Variants in NHS observed in about 807,000 individuals in gnomAD.
NHS encodes actin remodeling regulator NHS.
A neutral mutation model predicts 72.5 loss-of-function variants in NHS; 5 were observed. The observed-to-expected ratio is 0.07, with a 90% CI of 0.04 to 0.14. The LOEUF (loss-of-function observed/expected upper bound fraction) is 0.14, where lower values mean the gene tolerates loss of function less well. Ranked by LOEUF, NHS falls within the 10% of genes least tolerant of loss-of-function variation. The pLI is 1.00. For missense variants in NHS, 1,072 were observed against 1,355.7 expected, an observed-to-expected ratio of 0.79 and a Z score of 3.29; for synonymous variants, 464 against 547.7, an observed-to-expected ratio of 0.85 and a Z score of 2.13.
At chrX:17,466,163 C>G (rs779272760) in intron 1 of NHS, among the ~76,000 whole-genome samples, 6 of 113,120 alleles carry the variant, frequency 5.3e-5, no homozygotes, top group Non-Finnish European at 9.4e-5. Flanking sequence ...TCATATTTAC[C>G]TCATTGACCA....
At chrX:17,504,082 C>T (rs1489870422) in intron 1 of NHS, among the ~76,000 whole-genome samples, 1 of 111,809 alleles carries the variant, frequency 8.9e-6, no homozygotes, top group African/African-American at 3.3e-5. Flanking sequence ...GAAACCAATT[C>T]AACTTTGATT....
intron 2 of NHS, 28 bp downstream of exon 2, chrX:17,687,922 T>G: frequency 8.3e-7 from 1 of 1,201,441 alleles, no homozygotes; most frequent in Non-Finnish European, 1.1e-6. Context: ...TGGGGGCTTT[T>G]GCGGGAGACA....
chrX:17,652,544 C>T (rs1185903936), intron 1 of NHS, among the ~76,000 whole-genome samples: 1 of 111,736 alleles, frequency 8.9e-6, no homozygotes, highest in Non-Finnish European at 1.9e-5. Flanking sequence ...AAAAAAAGAT[C>T]ACATAGAGAG....
At chrX:17,703,219 G>C (rs984115209) in intron 3 of NHS, among the ~76,000 whole-genome samples, 8 of 111,775 alleles carry the variant, frequency 7.2e-5, no homozygotes, top group African/African-American at 2.6e-4. Flanking sequence ...GATCACTTGA[G>C]CCCAGGAGGC....
chrX:17,625,266 T>C (rs2065792849), intron 1 of NHS, among the ~76,000 whole-genome samples: 1 of 111,525 alleles, frequency 9.0e-6, no homozygotes, highest in Admixed American at 9.6e-5. Flanking sequence ...CCATCTGGTA[T>C]GGTATCACAT....
At chrX:17,713,716 C>G (rs1569315576) in intron 3 of NHS, among the ~76,000 whole-genome samples, 1 of 111,542 alleles carries the variant, frequency 9.0e-6, no homozygotes, top group Non-Finnish European at 1.9e-5. Flanking sequence ...GATTGGGGAT[C>G]ATCTTGAAAC....
At chrX:17,661,175 A>G (rs1601822852) in intron 1 of NHS, among the ~76,000 whole-genome samples, 1 of 112,166 alleles carries the variant, frequency 8.9e-6, no homozygotes, top group East Asian at 2.8e-4. Flanking sequence ...AGGTATCAAT[A>G]CCTATCCTCA....
intron 1 of NHS, among the ~76,000 whole-genome samples, chrX:17,585,564 C>G (rs1418513406): frequency 1.8e-5 from 2 of 110,249 alleles, no homozygotes; most frequent in Non-Finnish European, 3.8e-5. Flanking sequence ...CATGGTTGCT[C>G]TCTTCAATAA....
chrX:17,700,866 CA>C (rs758889154), intron 3 of NHS, among the ~76,000 whole-genome samples: 1 of 111,080 alleles, frequency 9.0e-6, no homozygotes, highest in African/African-American at 3.3e-5. Context: ...AGGCAAAGCC[CA>C]AAAAAGTGCC....
intron 1 of NHS, among the ~76,000 whole-genome samples, chrX:17,663,651 T>C (rs1757246339): frequency 8.9e-6 from 1 of 112,516 alleles, no homozygotes; most frequent in Admixed American, 9.4e-5. Flanking sequence ...TTTGGGGATA[T>C]TATGAATAAA....
intron 1 of NHS, among the ~76,000 whole-genome samples, chrX:17,481,814 A>C (rs1249391660): frequency 8.9e-6 from 1 of 111,959 alleles, no homozygotes; most frequent in African/African-American, 3.3e-5. Flanking sequence ...AGAGGCAACT[A>C]TTCTGACTCG....
intron 3 of NHS, among the ~76,000 whole-genome samples, chrX:17,718,633 A>G (rs867906326): frequency 7.0e-5 from 7 of 100,006 alleles, no homozygotes; most frequent in Middle Eastern, 5.3e-3. Flanking sequence ...GAGGGAAGGA[A>G]AAAAGGAAGG....
intron 1 of NHS, among the ~76,000 whole-genome samples, chrX:17,608,633 T>C (rs889279489): frequency 9.9e-5 from 11 of 111,251 alleles, no homozygotes; most frequent in African/African-American, 3.6e-4. Flanking sequence ...AAGCCTGCTT[T>C]GTGTGGCTAT....
chrX:17,697,178 G>T (rs1266540352), intron 3 of NHS, among the ~76,000 whole-genome samples: 2 of 111,177 alleles, frequency 1.8e-5, no homozygotes, highest in East Asian at 5.6e-4. Flanking sequence ...TTCAGCAATT[G>T]GGAGTGAAGA....
intron 1 of NHS, among the ~76,000 whole-genome samples, chrX:17,439,136 T>C (rs1412741862): frequency 9.6e-6 from 1 of 104,544 alleles, no homozygotes; most frequent in African/African-American, 3.4e-5. Context: ...GTGGGGCATG[T>C]GCCCATAGGT....
In NHS at chrX:17,727,604, G is replaced by T; in HGVS notation, c.3498G>T (p.Glu1166Asp). ...ACAATACAGATCTCCCTTATTTAGA[G>T]GAAAGCACACTCACAACGGCTGCCT... Reference protein sequence around the residue: ...EENNTDLPYLEESTLTTAALS... With the variant: ...EENNTDLPYLDESTLTTAALS... Residue 1166 changes from glutamate (E) to aspartate (D), a missense_variant, in exon 7 of 9, where the codon GAG becomes GAT. Transcript: ENST00000676302. 1 of 1,211,373 alleles carries T rather than the reference G, an allele frequency of 8.3e-7. No homozygotes were observed. The highest frequency in any genetic ancestry group is 1.7e-5 in the African/African-American group (1 of 57,757).
chrX:17,660,818 A>G (rs2065978762), intron 1 of NHS, among the ~76,000 whole-genome samples: 1 of 112,406 alleles, frequency 8.9e-6, no homozygotes, highest in South Asian at 3.7e-4. Context: ...AGGTAAGGGA[A>G]TTGACCAAGG....
chrX:17,594,378 A>G (rs2065616067), intron 1 of NHS, among the ~76,000 whole-genome samples: 1 of 111,416 alleles, frequency 9.0e-6, no homozygotes, highest in African/African-American at 3.3e-5. Context: ...CTTTGCTTGG[A>G]TATCTATGAG....
intron 1 of NHS, among the ~76,000 whole-genome samples, chrX:17,543,422 A>T (rs1011918313): frequency 1.8e-5 from 2 of 112,178 alleles, no homozygotes; most frequent in African/African-American, 6.5e-5. Flanking sequence ...CATAACTAGG[A>T]AATGCTTAGA....
Sources: allele counts gnomAD v4.1 joint callset (sites outside exome capture counted in the v4.1 genomes callset), GRCh38; gene constraint gnomAD v4.1.1; transcripts MANE v1.5; gene names NCBI Gene and HGNC (gene_info 2026-07-23, HGNC 2026-07-21).